The following PALLD variants were observed in gnomAD, a reference collection of about 807,000 sequenced individuals.
PALLD encodes the protein palladin.
Under a neutral mutation model 123.5 loss-of-function variants are expected in PALLD, and 61 were observed. The observed-to-expected ratio is 0.49, with a 90% confidence interval of 0.40 to 0.61. The LOEUF (loss-of-function observed/expected upper bound fraction) is 0.61. Ranked by LOEUF, PALLD falls within the 20% of genes least tolerant of loss-of-function variation. The pLI is 0.00. For synonymous variants in PALLD, 465 were observed against 496.4 expected, an observed-to-expected ratio of 0.94 and a Z score of 0.84; for missense variants, 1,273 against 1,377.0, an observed-to-expected ratio of 0.92 and a Z score of 1.20.
chr4:168,843,498 G>A (rs912139590), intron 10 of PALLD, among the ~76,000 whole-genome samples: 18 of 152,250 alleles, frequency 1.2e-4, no homozygotes, highest in Middle Eastern at 3.4e-3. Context: ...ATATAATGCC[G>A]CAGTCATAGT....
intron 10 of PALLD, among the ~76,000 whole-genome samples, chr4:168,753,219 T>G (rs182360992): frequency 1.3e-5 from 2 of 152,262 alleles, no homozygotes; most frequent in Admixed American, 1.3e-4. Flanking sequence ...TACATGCCAT[T>G]TAAGTACAAG....
At chr4:168,827,042 T>C (rs1416793666) in intron 10 of PALLD, among the ~76,000 whole-genome samples, 1 of 152,206 alleles carries the variant, frequency 6.6e-6, no homozygotes, top group Admixed American at 6.5e-5. Context: ...GGCCTTTCTT[T>C]ACATTCCAAC....
chr4:168,905,518 G>A (rs1413571679), intron 15 of PALLD, among the ~76,000 whole-genome samples: 1 of 151,804 alleles, frequency 6.6e-6, no homozygotes, highest in Non-Finnish European at 1.5e-5. Context: ...ATATTCCATG[G>A]TCATATAAAT....
intron 10 of PALLD, among the ~76,000 whole-genome samples, chr4:168,864,926 A>G (rs1461400922): frequency 6.6e-6 from 1 of 152,236 alleles, no homozygotes; most frequent in South Asian, 2.1e-4. Context: ...ATATATAACC[A>G]CATTGGAAAC....
At chr4:168,907,903 T>A (rs985483661) in intron 15 of PALLD, among the ~76,000 whole-genome samples, 4 of 152,002 alleles carry the variant, frequency 2.6e-5, no homozygotes, top group Non-Finnish European at 5.9e-5. Flanking sequence ...TAACACTACC[T>A]ATTATAGTAT....
At chr4:168,892,112 T>G (rs1581938283) in intron 11 of PALLD, among the ~76,000 whole-genome samples, 2 of 152,360 alleles carry the variant, frequency 1.3e-5, no homozygotes, top group South Asian at 4.1e-4. Context: ...TTTTGTTTGT[T>G]TTTTCATCTC....
intron 3 of PALLD, among the ~76,000 whole-genome samples, chr4:168,672,224 C>T (rs1288564325): frequency 6.6e-6 from 1 of 152,304 alleles, no homozygotes; most frequent in Admixed American, 6.5e-5. Context: ...TCATCTCAAA[C>T]ATTTATCATT....
chr4:168,810,118 G>A (rs1740855934), intron 10 of PALLD, among the ~76,000 whole-genome samples: 1 of 151,712 alleles, frequency 6.6e-6, no homozygotes, highest in Non-Finnish European at 1.5e-5. Flanking sequence ...CAGGCATTTT[G>A]GTATAATTTG....
At chr4:168,837,530 T>G (rs1298763283) in intron 10 of PALLD, among the ~76,000 whole-genome samples, 4 of 152,246 alleles carry the variant, frequency 2.6e-5, no homozygotes, top group Non-Finnish European at 5.9e-5. Context: ...CTAATGGATA[T>G]GATTCGAATT....
intron 2 of PALLD, among the ~76,000 whole-genome samples, chr4:168,539,568 A>AAAATAAATAAAT (rs150961800): frequency 6.9e-6 from 1 of 145,420 alleles, no homozygotes; most frequent in African/African-American, 2.5e-5. Flanking sequence ...TCAAAAAATA[A>AAAATAAATAAAT]AAATAAATAA....
At chr4:168,751,396 G>A (rs930411317) in intron 10 of PALLD, among the ~76,000 whole-genome samples, 1 of 152,088 alleles carries the variant, frequency 6.6e-6, no homozygotes, top group African/African-American at 2.4e-5. Flanking sequence ...ATTAATTTTA[G>A]GTATTGGGAC....
intron 2 of PALLD, among the ~76,000 whole-genome samples, chr4:168,585,044 T>C (rs1770673998): frequency 6.6e-6 from 1 of 152,192 alleles, no homozygotes; most frequent in African/African-American, 2.4e-5. Flanking sequence ...TTTGACTAAT[T>C]CTAACTGACA....
Position 168,891,009 on chromosome 4 carries a change from G to C in PALLD, c.2052G>C (p.Leu684=). The change falls in exon 11 of 22, where the codon CTG becomes CTC. Residue 684 remains leucine, a synonymous_variant. Transcript: ENST00000505667. Reference sequence around the variant, plus strand: ...CAAAGGATGCTGTTATTCAAGACCTGGAACGAAAACTTCGCTTCAAGGAGG... The same window carrying C: ...CAAAGGATGCTGTTATTCAAGACCTCGAACGAAAACTTCGCTTCAAGGAGG... ...QGTKDAVIQD[L]ERKLRFKEDL... 2 of 1,614,082 alleles carry C rather than the reference G, an allele frequency of 1.2e-6. No individual in the cohort carries two copies. Among genetic ancestry groups the C allele is most frequent in the Non-Finnish European group, 1.7e-6 (2 of 1,179,960 alleles).
chr4:168,876,283 C>T (rs181152263), intron 10 of PALLD, among the ~76,000 whole-genome samples: 2 of 152,202 alleles, frequency 1.3e-5, no homozygotes, highest in Admixed American at 6.5e-5. Flanking sequence ...TGGGCCAGTT[C>T]TAAATGCATG....
chr4:168,919,324 G>T (rs1760924968), intron 17 of PALLD, among the ~76,000 whole-genome samples: 2 of 152,076 alleles, frequency 1.3e-5, no homozygotes, highest in African/African-American at 4.8e-5. Context: ...AGGAATCCGA[G>T]ACCAGCCTGG....
intron 10 of PALLD, 168 bp downstream of exon 10, chr4:168,712,091 TAAA>T: frequency 3.1e-6 from 2 of 649,860 alleles, no homozygotes; most frequent in Non-Finnish European, 5.5e-6. Context: ...CACCTAAAAA[TAAA>T]GAAGGGAAAT....
At chr4:168,514,800 G>A (rs913392817) in intron 2 of PALLD, among the ~76,000 whole-genome samples, 1 of 152,086 alleles carries the variant, frequency 6.6e-6, no homozygotes, top group Non-Finnish European at 1.5e-5. Context: ...ATGACAGAAA[G>A]CAGTCCATTT....
intron 2 of PALLD, among the ~76,000 whole-genome samples, chr4:168,615,523 G>A (rs891219468): frequency 6.6e-6 from 1 of 152,118 alleles, no homozygotes; most frequent in African/African-American, 2.4e-5. Context: ...ATTTCAACGG[G>A]GCACAAAGAG....
intron 2 of PALLD, among the ~76,000 whole-genome samples, chr4:168,651,642 G>T (rs931467433): frequency 2.0e-5 from 3 of 151,936 alleles, no homozygotes; most frequent in African/African-American, 4.8e-5. Context: ...AATCCCAGCA[G>T]AATTTTAGAG....
Sources: allele counts gnomAD v4.1 joint callset (sites outside exome capture counted in the v4.1 genomes callset), GRCh38; gene constraint gnomAD v4.1.1; transcripts MANE v1.5; gene names NCBI Gene and HGNC (gene_info 2026-07-23, HGNC 2026-07-21).